RBFOX1: variants seen among roughly 807,000 people sequenced by gnomAD.
RBFOX1 encodes the protein RNA binding protein fox-1 homolog 1.
A neutral mutation model predicts 57.7 loss-of-function variants in RBFOX1; 8 were observed. The observed-to-expected ratio is 0.14, with a 90% CI of 0.08 to 0.25. The LOEUF is 0.25. RBFOX1 is among the 10% of genes least tolerant of loss of function. RBFOX1 has a pLI of 1.00. For missense variants in RBFOX1, 611 were observed against 548.5 expected (o/e 1.11, Z -1.14); for synonymous variants, 326 against 222.4 (o/e 1.47, Z -4.15).
intron 3 of RBFOX1, among the ~76,000 whole-genome samples, chr16:5,865,544 G>A (rs189277172): frequency 1.3e-5 from 2 of 152,320 alleles, no homozygotes; most frequent in African/African-American, 4.8e-5. Flanking sequence ...TGGACAGCGA[G>A]CTCTGCCTGA....
At position 7,711,505 on chromosome 16, in the gene RBFOX1, G is replaced by T. The variant is rs921205617; in HGVS notation, c.*760G>T. ...AAGCATTCTTTTTATATTTCTTCCA[G>T]TATAATAAATTATTGATATCACTGC... On this transcript the variant is annotated 3_prime_UTR_variant, in exon 16 of 16. Transcript: ENST00000550418. 3 of 152,318 alleles carry T rather than the reference G, an allele frequency of 2.0e-5. No individual in the cohort carries two copies. Among genetic ancestry groups the T allele is most frequent in the Admixed American group, 6.6e-5 (1 of 15,244 alleles). The allele number at this position is 152,318 out of a possible 1,614,324, so 9.4% of individuals were successfully genotyped here.
At chr16:7,155,495 C>G (rs1489592394) in intron 4 of RBFOX1, among the ~76,000 whole-genome samples, 1 of 150,696 alleles carries the variant, frequency 6.6e-6, no homozygotes, top group Non-Finnish European at 1.5e-5. Context: ...CCTTGGGAGG[C>G]TAAAATGGGA....
chr16:6,660,750 G>A (rs922408726), intron 3 of RBFOX1, among the ~76,000 whole-genome samples: 3 of 141,500 alleles, frequency 2.1e-5, no homozygotes, highest in Non-Finnish European at 3.2e-5. Flanking sequence ...TGGATTAACT[G>A]TAGCTGCGGT....
At chr16:5,514,555 A>C (rs773570910) in intron 2 of RBFOX1, among the ~76,000 whole-genome samples, 3 of 152,296 alleles carry the variant, frequency 2.0e-5, no homozygotes, top group Admixed American at 6.5e-5. Flanking sequence ...GGGTACACGA[A>C]GGAACAGAGA....
At chr16:7,411,676 G>A (rs1220121903) in intron 4 of RBFOX1, among the ~76,000 whole-genome samples, 3 of 152,066 alleles carry the variant, frequency 2.0e-5, no homozygotes, top group Admixed American at 1.3e-4. Context: ...GGCCAAGGTG[G>A]GTGGATCACC....
At chr16:5,566,467 C>T (rs1459451361) in intron 2 of RBFOX1, among the ~76,000 whole-genome samples, 1 of 151,774 alleles carries the variant, frequency 6.6e-6, no homozygotes, top group Non-Finnish European at 1.5e-5. Flanking sequence ...TGTGTAGAAC[C>T]CGCTCCCTCG....
intron 4 of RBFOX1, among the ~76,000 whole-genome samples, chr16:7,207,907 C>G (rs1416373274): frequency 1.3e-5 from 2 of 152,186 alleles, no homozygotes. Context: ...TTGAACTCCA[C>G]AGGGTGCATC....
intron 3 of RBFOX1, among the ~76,000 whole-genome samples, chr16:5,644,913 A>G (rs73529736): frequency 0.11 from 16,179 of 152,072 alleles, 2,875 homozygotes; most frequent in African/African-American, 0.37. Context: ...CCTGAGAAGA[A>G]TGAAACGCTC....
intron 3 of RBFOX1, among the ~76,000 whole-genome samples, chr16:6,809,920 C>G (rs1005751277): frequency 6.6e-6 from 1 of 152,060 alleles, no homozygotes; most frequent in Non-Finnish European, 1.5e-5. Context: ...TGAATAAACA[C>G]CACCAAGATG....
At chr16:5,443,393 A>G (rs777539602) in intron 1 of RBFOX1, among the ~76,000 whole-genome samples, 1 of 152,156 alleles carries the variant, frequency 6.6e-6, no homozygotes, top group South Asian at 2.1e-4. Flanking sequence ...GCTGGAGTGC[A>G]GTGTCGCGAT....
intron 4 of RBFOX1, among the ~76,000 whole-genome samples, chr16:5,941,081 C>G: frequency 6.6e-6 from 1 of 151,982 alleles, no homozygotes; most frequent in Non-Finnish European, 1.5e-5. Flanking sequence ...GAACACATTG[C>G]CTGGGATACA....
At chr16:6,930,866 G>A (rs959175585) in intron 3 of RBFOX1, among the ~76,000 whole-genome samples, 2 of 151,976 alleles carry the variant, frequency 1.3e-5, no homozygotes, top group Admixed American at 6.6e-5. Context: ...AACTGTAATA[G>A]CATGTTCCTA....
At chr16:7,094,244 G>A (rs1939091217) in intron 4 of RBFOX1, among the ~76,000 whole-genome samples, 2 of 151,950 alleles carry the variant, frequency 1.3e-5, no homozygotes, top group Non-Finnish European at 1.5e-5. Context: ...ATTCAGAGAA[G>A]AACAAATTGA....
At chr16:5,585,998 A>T (rs929861987) in intron 2 of RBFOX1, among the ~76,000 whole-genome samples, 4 of 152,194 alleles carry the variant, frequency 2.6e-5, no homozygotes, top group African/African-American at 9.7e-5. Flanking sequence ...TGATGAGATT[A>T]TCTTCCCCTA....
chr16:6,221,751 A>G (rs2097374774), intron 1 of RBFOX1, among the ~76,000 whole-genome samples: 1 of 152,122 alleles, frequency 6.6e-6, no homozygotes, highest in African/African-American at 2.4e-5. Context: ...TGGCAAAGAA[A>G]GCTTGTGCAG....
At chr16:5,792,429 C>G (rs1444475405) in intron 3 of RBFOX1, among the ~76,000 whole-genome samples, 2 of 152,350 alleles carry the variant, frequency 1.3e-5, no homozygotes, top group East Asian at 3.9e-4. Context: ...TACTAATAGC[C>G]TACCATTGGC....
rs544169734 is a variant in RBFOX1, at chr16:7,332,811, A to C, written c.28-185336A>C. On this transcript the variant is annotated intron_variant, in intron 4 of 15. Transcript: ENST00000550418. ...GTGTCTCTTCGTCGTCTGGGAAGAAAACTTTCACATTAAGAGTTGCTGATG... is the reference window on the plus strand; with the variant it reads ...GTGTCTCTTCGTCGTCTGGGAAGAACACTTTCACATTAAGAGTTGCTGATG... 32 of 1,405,582 alleles carry C rather than the reference A, an allele frequency of 2.3e-5. No homozygotes were observed. In the South Asian group the frequency reaches 5.4e-4, roughly 24 times the overall value. The allele number at this position is 1,405,582 out of a possible 1,614,324, so 87.1% of individuals were successfully genotyped here.
Position 7,146,083 on chromosome 16 carries a change from G to C in RBFOX1, c.27+93985G>C, listed in dbSNP as rs142315321. 5.9e-5 allele frequency among the ~76,000 whole-genome samples: 9 copies of C among 152,318 alleles called. No homozygotes were observed. The East Asian group carries it at 1.7e-3, about 29-fold the overall frequency. On this transcript the variant is annotated intron_variant, in intron 4 of 15. Coordinates refer to ENST00000550418, the MANE Select transcript of RBFOX1 (RefSeq NM_018723.4). ...TTTTGACTGTTCCAAATGGGGGCAAGAATGAATTTTAAAATGAACTTTGCC... is the reference window on the plus strand; with the variant it reads ...TTTTGACTGTTCCAAATGGGGGCAACAATGAATTTTAAAATGAACTTTGCC...
At chr16:6,713,652 GA>G (rs2064169420) in intron 3 of RBFOX1, among the ~76,000 whole-genome samples, 1 of 152,150 alleles carries the variant, frequency 6.6e-6, no homozygotes, top group Admixed American at 6.5e-5. Context: ...AAACAAAATT[GA>G]AGTTACAGTT....
Sources: allele counts gnomAD v4.1 joint callset (sites outside exome capture counted in the v4.1 genomes callset), GRCh38; gene constraint gnomAD v4.1.1; transcripts MANE v1.5; gene names NCBI Gene and HGNC (gene_info 2026-07-23, HGNC 2026-07-21).